The following ZNF318 variants were observed in gnomAD, a reference collection of about 807,000 sequenced individuals.
ZNF318 encodes endocrine regulator.
A neutral mutation model predicts 124.2 loss-of-function variants in ZNF318; 51 were observed. The observed-to-expected ratio is 0.41, with a 90% CI of 0.33 to 0.52. The LOEUF is 0.52. ZNF318 is among the 20% of genes least tolerant of loss of function. The pLI is 0.23. For missense variants in ZNF318, 2,815 were observed against 2,811.2 expected (o/e 1.00, Z -0.03); for synonymous variants, 1,090 against 1,040.7 (o/e 1.05, Z -0.91).
chr6:43,339,254 C>T lies in ZNF318; in HGVS notation c.4744G>A (p.Glu1582Lys), dbSNP rs775581692. Residue 1582 changes from glutamate to lysine, a missense_variant, in exon 10 of 10, where the codon GAG becomes AAG. Coordinates refer to ENST00000361428, the MANE Select transcript of ZNF318 (RefSeq NM_014345.3). This position sits in a 1 kb window ranked among gnomAD's most constrained non-coding sequence, Gnocchi z 4.2. ...FYSSGGKGAP[E>K]TKGAPETKLS... ...TTAGTCTCAGGGGCCCCCTTAGTCT[C>T]AGGGGCCCCCTTTCCACCACTACTA... 9.3e-6 allele frequency: 15 copies of T among 1,613,986 alleles called. No homozygotes were observed. Among genetic ancestry groups the T allele is most frequent in the African/African-American group, 4.0e-5 (3 of 74,916 alleles).
intron 2 of ZNF318, among the ~76,000 whole-genome samples, chr6:43,364,675 A>G (rs1334876179): frequency 6.6e-6 from 1 of 152,222 alleles, no homozygotes; most frequent in Non-Finnish European, 1.5e-5. Flanking sequence ...TTTACAATCT[A>G]TATATGGTTA....
At chr6:43,353,058 T>A (rs576899921) in intron 4 of ZNF318, among the ~76,000 whole-genome samples, 1 of 152,364 alleles carries the variant, frequency 6.6e-6, no homozygotes, top group African/African-American at 2.4e-5. Flanking sequence ...ATATGGCTTG[T>A]CTATACTATA....
intron 4 of ZNF318, among the ~76,000 whole-genome samples, chr6:43,353,021 ATAC>A (rs1169900674): frequency 2.6e-5 from 4 of 152,228 alleles, no homozygotes; most frequent in Non-Finnish European, 4.4e-5. Flanking sequence ...TCTTTCAACT[ATAC>A]TACTACCTAA....
chr6:43,365,169 G>A (rs754381686), intron 2 of ZNF318, 123 bp downstream of exon 2: 15 of 1,036,054 alleles, frequency 1.4e-5, no homozygotes, highest in Admixed American at 2.5e-5. Context: ...TTTTGTACTG[G>A]ACATGTGGCA....
At chr6:43,357,037 C>T (rs1180633442) in intron 3 of ZNF318, 89 bp downstream of exon 3, 6 of 1,430,784 alleles carry the variant, frequency 4.2e-6, no homozygotes, top group Non-Finnish European at 4.7e-6. Context: ...TACAAAGATA[C>T]CATTAGGAAC....
At chr6:43,359,587 TA>T (rs1451467821) in intron 2 of ZNF318, among the ~76,000 whole-genome samples, 1 of 152,224 alleles carries the variant, frequency 6.6e-6, no homozygotes, top group Non-Finnish European at 1.5e-5. Context: ...CAGTTTCTAG[TA>T]GCTACTTTTG....
intron 6 of ZNF318, among the ~76,000 whole-genome samples, chr6:43,344,588 CT>C (rs1779413170): frequency 6.6e-6 from 1 of 152,148 alleles, no homozygotes; most frequent in Middle Eastern, 3.2e-3. Context: ...ATCCAAAATA[CT>C]TTCTCTAACC....
chr6:43,368,132 A>G (rs778651515), intron 1 of ZNF318, among the ~76,000 whole-genome samples: 13 of 152,236 alleles, frequency 8.5e-5, no homozygotes, highest in Non-Finnish European at 1.6e-4. Context: ...GTTAAAGGTC[A>G]ACATTATTTC....
rs1472450762 is a variant in ZNF318, at chr6:43,369,301, C to T, written c.65G>A (p.Gly22Asp). Residue 22 changes from glycine (G) to aspartate (D), a missense_variant, in exon 1 of 10, where the codon GGC becomes GAC. By Grantham distance (94) the Gly-to-Asp change is moderately conservative (BLOSUM62 -1). Around this residue, in one of 4 missense-constraint regions of ZNF318, gnomAD observed 1,377 missense variants for 1,353.5 expected, o/e 1.02. Coordinates refer to ENST00000361428, the MANE Select transcript of ZNF318 (RefSeq NM_014345.3). ...SHRPKDDGGG[G>D]PRSGRSSGSS... Reference sequence around the variant, plus strand: ...GCCAGAGCTGCGGCCGCTGCGCGGGCCGCCCCCGCCGTCGTCTTTAGGCCG... The same window carrying T: ...GCCAGAGCTGCGGCCGCTGCGCGGGTCGCCCCCGCCGTCGTCTTTAGGCCG... The T allele has an allele frequency of 3.0e-6, 4 of 1,341,354 alleles. No homozygotes were observed. Among genetic ancestry groups the T allele is most frequent in the African/African-American group, 1.5e-5 (1 of 64,914 alleles). The allele number at this position is 1,341,354 out of a possible 1,614,324, so 83.1% of individuals were successfully genotyped here.
At chr6:43,357,044 G>A (rs1313569832) in intron 3 of ZNF318, 82 bp downstream of exon 3, 4 of 1,458,660 alleles carry the variant, frequency 2.7e-6, no homozygotes, top group East Asian at 4.5e-5. Context: ...ATACCATTAG[G>A]AACATAGCCC....
At chr6:43,353,401 A>C (rs1215269048) in intron 4 of ZNF318, among the ~76,000 whole-genome samples, 1 of 148,194 alleles carries the variant, frequency 6.7e-6, no homozygotes, top group African/African-American at 2.5e-5. Flanking sequence ...TTGAGATGGA[A>C]TCTTGCTCTG....
Position 43,348,671 on chromosome 6 carries a change from C to T in ZNF318, c.2771-46G>A, listed in dbSNP as rs759847723. On this transcript the variant is annotated intron_variant, in intron 5 of 9. Coordinates refer to ENST00000361428, the MANE Select transcript of ZNF318 (RefSeq NM_014345.3). ...AAAAAGAAGCACAGGGAAAATAAGACGAGTCATTTCTCATTTACAAGCAAT... is the reference window on the plus strand; with the variant it reads ...AAAAAGAAGCACAGGGAAAATAAGATGAGTCATTTCTCATTTACAAGCAAT... The T allele has an allele frequency of 2.1e-5, 33 of 1,579,148 alleles. No individual in the cohort carries two copies. The East Asian group carries it at 3.8e-4, about 18-fold the overall frequency.
intron 4 of ZNF318, among the ~76,000 whole-genome samples, chr6:43,353,857 G>C (rs755010589): frequency 6.6e-6 from 1 of 152,048 alleles, no homozygotes; most frequent in Admixed American, 6.6e-5. Flanking sequence ...TAAATTATCA[G>C]AATTATTAGA....
Position 43,356,049 on chromosome 6 carries a change from C to G in ZNF318, c.1285G>C (p.Ala429Pro), listed in dbSNP as rs757466914. The change falls in exon 4 of 10, where the codon GCC becomes CCC. Residue 429 changes from alanine (A) to proline (P), a missense_variant. This residue lies in a region of ZNF318 where 1,377 missense variants were observed against 1,353.5 expected (regional missense o/e 1.02). Transcript: ENST00000361428. ...GTCCCCTTGTTTTCAATCTCTGAGGCAAAAGCAGCAATAGCACCACTTAGT... is the reference window on the plus strand; with the variant it reads ...GTCCCCTTGTTTTCAATCTCTGAGGGAAAAGCAGCAATAGCACCACTTAGT... ...LPLSGAIAAF[A>P]SEIENKGTMV... 2 of 1,614,182 alleles carry G rather than the reference C, an allele frequency of 1.2e-6. No individual in the cohort carries two copies. Among genetic ancestry groups the G allele is most frequent in the Non-Finnish European group, 1.7e-6 (2 of 1,180,042 alleles).
intron 6 of ZNF318, among the ~76,000 whole-genome samples, chr6:43,345,550 A>G (rs946566624): frequency 9.9e-5 from 15 of 152,204 alleles, no homozygotes; most frequent in Non-Finnish European, 1.5e-5. Flanking sequence ...TAGAAATCCA[A>G]TGTATAAGTC....
chr6:43,338,800 G>C lies in ZNF318; in HGVS notation c.5198C>G (p.Pro1733Arg). 3.7e-6 allele frequency: 6 copies of C among 1,614,084 alleles called. No homozygotes were observed. Among genetic ancestry groups the C allele is most frequent in the Non-Finnish European group, 5.1e-6 (6 of 1,180,026 alleles). Residue 1733 changes from proline to arginine, a missense_variant, in exon 10 of 10, where the codon CCT (proline) becomes CGT (arginine). Physicochemically the swap from Pro to Arg is moderately radical, Grantham distance 103 (BLOSUM62 -2). Transcript: ENST00000361428. ...TTTGCACTGTATATCTAACAGTTGA[G>C]GAGGTGGTTCTACACCAGGTGGTCC... ...EPGPPGVEPP[P>R]QLLDIQCKES... is the part of the protein sequence containing the mutation.
Position 43,355,317 on chromosome 6 carries a change from G to A in ZNF318, c.2017C>T (p.Pro673Ser). The change falls in exon 4 of 10, where the codon CCC becomes TCC. Residue 673 changes from proline to serine, a missense_variant. Transcript: ENST00000361428. Reference protein sequence around the residue: ...CFSADRRSSDPHRLESREAHH... With the variant: ...CFSADRRSSDSHRLESREAHH... The stretch of plus-strand genomic sequence containing the variant: ...GCCTCCCTGCTCTCTAGTCTGTGGG[G>A]ATCTGAGGAACGTCGATCAGCTGAG... 1.9e-6 allele frequency: 3 copies of A among 1,614,238 alleles called. No individual in the cohort carries two copies. Among genetic ancestry groups the A allele is most frequent in the East Asian group, 4.5e-5 (2 of 44,890 alleles).
In ZNF318 at chr6:43,357,139, T is replaced by C; in HGVS notation, c.1175A>G (p.Glu392Gly). 6.2e-7 allele frequency: 1 copy of C among 1,612,180 alleles called. No individual in the cohort carries two copies. The highest frequency in any genetic ancestry group is 8.5e-7 in the Non-Finnish European group (1 of 1,178,810). Reference sequence around the variant, plus strand: ...TGCAGCAGAGACCTGCATGGAGGGCTCCATTATGTCCACCTCAATCCGCTT... The same window carrying C: ...TGCAGCAGAGACCTGCATGGAGGGCCCCATTATGTCCACCTCAATCCGCTT... ...LKKRIEVDIM[E>G]PSMQLESFSS... is the part of the protein sequence containing the mutation. Residue 392 changes from glutamate to glycine, a missense_variant, in exon 3 of 10, where the codon GAG becomes GGG. Transcript: ENST00000361428.
Position 43,356,753 on chromosome 6 carries a change from T to C in ZNF318, c.1188+373A>G, listed in dbSNP as rs139332232. Among the ~76,000 whole-genome samples, 254 of 152,280 alleles carry C rather than the reference T, an allele frequency of 1.7e-3. 2 individuals are homozygous for C. Among genetic ancestry groups the C allele is most frequent in the African/African-American group, 5.7e-3 (238 of 41,542 alleles). On this transcript the variant is annotated intron_variant, in intron 3 of 9. Coordinates refer to ENST00000361428, the MANE Select transcript of ZNF318 (RefSeq NM_014345.3). ...TTCTAGTCCAGTGTCCTACAACTCA[T>C]ACATCTTGTCTTCTCTCTAAAGAGA...
Sources: allele counts gnomAD v4.1 joint callset (sites outside exome capture counted in the v4.1 genomes callset), GRCh38; gene constraint gnomAD v4.1.1; regional missense constraint gnomAD v4.1.1; non-coding constraint Gnocchi (gnomAD v3.1); transcripts MANE v1.5; gene names NCBI Gene and HGNC (gene_info 2026-07-23, HGNC 2026-07-21).